The following FHIT variants were observed in gnomAD, a reference collection of about 807,000 sequenced individuals.
FHIT encodes the protein fragile histidine triad diadenosine triphosphatase, also known as bis(5'-adenosyl)-triphosphatase.
Under a neutral mutation model 17.9 loss-of-function variants are expected in FHIT, and 19 were observed. The observed-to-expected ratio is 1.06, with a 90% CI of 0.74 to 1.56. The LOEUF is 1.56. Among genes scored for constraint, FHIT ranks in the 40% most tolerant of loss-of-function variants. The probability of loss-of-function intolerance (pLI) is 0.00; values close to 1 mark genes in which losing one functional copy is unlikely to be tolerated. For missense variants in FHIT, 248 were observed against 189.2 expected, an observed-to-expected ratio of 1.31 and a Z score of -1.82; for synonymous variants, 81 against 69.7, an observed-to-expected ratio of 1.16 and a Z score of -0.81.
intron 8 of FHIT, among the ~76,000 whole-genome samples, chr3:59,866,103 A>G (rs754555169): frequency 6.6e-6 from 1 of 152,210 alleles, no homozygotes; most frequent in Non-Finnish European, 1.5e-5. Flanking sequence ...GATAGACGAT[A>G]CAGAGACCAG....
chr3:59,967,547 T>G (rs1016256307), intron 7 of FHIT, among the ~76,000 whole-genome samples: 1 of 152,150 alleles, frequency 6.6e-6, no homozygotes, highest in Non-Finnish European at 1.5e-5. Flanking sequence ...TGTGGTTGAC[T>G]GAAATTTTAT....
chr3:61,239,782 T>TATATATATATATATATATATACAC (rs895030251), intron 1 of FHIT, among the ~76,000 whole-genome samples: 1 of 144,032 alleles, frequency 6.9e-6, no homozygotes, highest in Non-Finnish European at 1.5e-5. Flanking sequence ...TATATATATA[T>TATATATATATATATATATATACAC]ATACACAAAT....
At chr3:60,309,666 C>T (rs1054137402) in intron 5 of FHIT, among the ~76,000 whole-genome samples, 17 of 152,060 alleles carry the variant, frequency 1.1e-4, no homozygotes, top group Non-Finnish European at 2.1e-4. Context: ...CTCAGTAAGC[C>T]AACAGACTCT....
At chr3:60,518,209 C>G (rs374430756) in intron 5 of FHIT, among the ~76,000 whole-genome samples, 2 of 152,004 alleles carry the variant, frequency 1.3e-5, no homozygotes, top group South Asian at 2.1e-4. Flanking sequence ...ACTGAAGAGG[C>G]TAGGGCCAAA....
At chr3:60,457,416 A>G (rs1394485356) in intron 5 of FHIT, among the ~76,000 whole-genome samples, 1 of 152,108 alleles carries the variant, frequency 6.6e-6, no homozygotes, top group East Asian at 1.9e-4. Flanking sequence ...CTTACACCTT[A>G]TACAAAAATG....
chr3:60,155,675 G>A (rs1272787699), intron 5 of FHIT, among the ~76,000 whole-genome samples: 8 of 152,174 alleles, frequency 5.3e-5, no homozygotes, highest in Admixed American at 6.5e-5. Flanking sequence ...CCTGAATCCA[G>A]CAGTCTCCTG....
At position 60,865,558 on chromosome 3, in the gene FHIT, G is replaced by A. The variant is rs145358637; in HGVS notation, c.-110-43547C>T. ...GTCTGAATTTTCATTTTAATCGTTT[G>A]TATGTATTTCATTCCTCTTAGTATG... On this transcript the variant is annotated intron_variant, in intron 3 of 9. Transcript: ENST00000492590. Among the ~76,000 whole-genome samples the A allele has an allele frequency of 6.6e-5, 10 of 152,196 alleles. No individual in the cohort carries two copies. In the East Asian group the frequency reaches 1.7e-3, roughly 26 times the overall value.
chr3:60,498,313 T>C (rs2034386198), intron 5 of FHIT, among the ~76,000 whole-genome samples: 1 of 152,240 alleles, frequency 6.6e-6, no homozygotes, highest in Non-Finnish European at 1.5e-5. Context: ...CAATAAATGA[T>C]GAAAATGTTC....
At chr3:59,981,435 A>G (rs1708650028) in intron 7 of FHIT, among the ~76,000 whole-genome samples, 1 of 152,074 alleles carries the variant, frequency 6.6e-6, no homozygotes, top group Non-Finnish European at 1.5e-5. Flanking sequence ...TCAATATCCA[A>G]ATTCTATTGC....
chr3:60,274,543 C>A (rs561626218), intron 5 of FHIT, among the ~76,000 whole-genome samples: 1 of 152,282 alleles, frequency 6.6e-6, no homozygotes, highest in South Asian at 2.1e-4. Flanking sequence ...GTGTCATAAG[C>A]TATGTTTACA....
At chr3:61,094,633 G>A (rs1334167389) in intron 2 of FHIT, among the ~76,000 whole-genome samples, 1 of 152,156 alleles carries the variant, frequency 6.6e-6, no homozygotes, top group Non-Finnish European at 1.5e-5. Context: ...TATTGACAAT[G>A]ATAGCTAATG....
At chr3:60,496,981 A>T (rs906314361) in intron 5 of FHIT, among the ~76,000 whole-genome samples, 7 of 152,052 alleles carry the variant, frequency 4.6e-5, no homozygotes, top group Admixed American at 4.6e-4. Context: ...ACAAAAAAAA[A>T]CATGCAAACC....
At chr3:60,473,610 G>A (rs1245800546) in intron 5 of FHIT, among the ~76,000 whole-genome samples, 1 of 152,142 alleles carries the variant, frequency 6.6e-6, no homozygotes, top group Non-Finnish European at 1.5e-5. Context: ...ACTGATTTGA[G>A]GTACTTGCAC....
At chr3:60,598,261 A>T (rs959984773) in intron 4 of FHIT, among the ~76,000 whole-genome samples, 3 of 152,116 alleles carry the variant, frequency 2.0e-5, no homozygotes, top group Non-Finnish European at 2.9e-5. Flanking sequence ...TGCTTTAAAA[A>T]TCCCTCAAAA....
chr3:59,888,876 A>G (rs1703736149), intron 8 of FHIT, among the ~76,000 whole-genome samples: 2 of 152,240 alleles, frequency 1.3e-5, no homozygotes, highest in South Asian at 4.1e-4. Context: ...ATCAAGGGGC[A>G]AGCTGCATCC....
At chr3:61,145,762 TG>T (rs11357438) in intron 2 of FHIT, among the ~76,000 whole-genome samples, 72,118 of 147,138 alleles carry the variant, frequency 0.49, 17,995 homozygotes, top group East Asian at 0.87. Flanking sequence ...TTTTATTTTT[TG>T]GCTGCTATTA....
At chr3:60,134,434 C>T (rs555266683) in intron 5 of FHIT, among the ~76,000 whole-genome samples, 1 of 152,250 alleles carries the variant, frequency 6.6e-6, no homozygotes, top group South Asian at 2.1e-4. Context: ...ATCCAATAAG[C>T]TTTTTTAAAA....
intron 2 of FHIT, among the ~76,000 whole-genome samples, chr3:61,199,279 C>T (rs961573016): frequency 9.9e-5 from 15 of 152,146 alleles, no homozygotes; most frequent in Non-Finnish European, 1.5e-5. Context: ...CAAAAGATTA[C>T]AAAGTTGTTA....
At chr3:61,026,433 A>G (rs2032735617) in intron 3 of FHIT, among the ~76,000 whole-genome samples, 1 of 152,216 alleles carries the variant, frequency 6.6e-6, no homozygotes, top group Non-Finnish European at 1.5e-5. Flanking sequence ...TAATGCATGT[A>G]AAGCTGTTAC....
Sources: allele counts gnomAD v4.1 joint callset (sites outside exome capture counted in the v4.1 genomes callset), GRCh38; gene constraint gnomAD v4.1.1; transcripts MANE v1.5; gene names NCBI Gene and HGNC (gene_info 2026-07-23, HGNC 2026-07-21).